Variants in WWOX observed in about 807,000 individuals in gnomAD.
WWOX encodes WW domain-containing oxidoreductase.
Under a neutral mutation model 46.2 loss-of-function variants are expected in WWOX, and 69 were observed. That is an observed-to-expected ratio of 1.49 (90% CI 1.23 to 1.82). The LOEUF (loss-of-function observed/expected upper bound fraction) is 1.82. Ranked by LOEUF, WWOX falls within the 40% of genes most tolerant of loss-of-function variation. The pLI, the probability that WWOX is intolerant of heterozygous loss-of-function variation, is 0.00. For missense variants in WWOX, 919 were observed against 542.6 expected (o/e 1.69, Z -6.89); for synonymous variants, 359 against 202.6 (o/e 1.77, Z -6.56).
At chr16:78,133,654 C>T (rs2033687103) in intron 4 of WWOX, among the ~76,000 whole-genome samples, 1 of 152,174 alleles carries the variant, frequency 6.6e-6, no homozygotes, top group African/African-American at 2.4e-5. Flanking sequence ...CCTCGGCCTC[C>T]CAAAGTAGTG....
At chr16:78,523,514 A>G (rs2043393496) in intron 8 of WWOX, among the ~76,000 whole-genome samples, 2 of 152,194 alleles carry the variant, frequency 1.3e-5, no homozygotes, top group Admixed American at 1.3e-4. Flanking sequence ...TTCCTTGTGA[A>G]TTTTAAATGC....
At chr16:79,006,876 A>G (rs2047201232) in intron 8 of WWOX, among the ~76,000 whole-genome samples, 1 of 152,120 alleles carries the variant, frequency 6.6e-6, no homozygotes, top group Non-Finnish European at 1.5e-5. Context: ...CTTCCGCTTT[A>G]AGGACCTTTG....
chr16:78,702,042 T>TATATATATATAA (rs1229780052), intron 8 of WWOX, among the ~76,000 whole-genome samples: 17 of 120,922 alleles, frequency 1.4e-4, no homozygotes, highest in African/African-American at 6.4e-4. Context: ...TATATATATA[T>TATATATATATAA]ATAAAATAAT....
chr16:78,948,603 T>G (rs2045995162), intron 8 of WWOX, among the ~76,000 whole-genome samples: 1 of 152,024 alleles, frequency 6.6e-6, no homozygotes, highest in Admixed American at 6.6e-5. Flanking sequence ...TGCCTTGTGG[T>G]CCTGCTTGTC....
chr16:78,305,723 G>T (rs1254552753), intron 5 of WWOX, among the ~76,000 whole-genome samples: 1 of 152,032 alleles, frequency 6.6e-6, no homozygotes, highest in Non-Finnish European at 1.5e-5. Context: ...GTACCACGCA[G>T]CCCACATTAA....
intron 5 of WWOX, among the ~76,000 whole-genome samples, chr16:78,263,419 G>A (rs940831353): frequency 6.6e-6 from 1 of 152,196 alleles, no homozygotes; most frequent in Non-Finnish European, 1.5e-5. Context: ...CTCCCCTGAA[G>A]TGCACAGAGA....
At chr16:78,315,797 A>T (rs1423941308) in intron 5 of WWOX, among the ~76,000 whole-genome samples, 2 of 152,086 alleles carry the variant, frequency 1.3e-5, no homozygotes, top group Non-Finnish European at 2.9e-5. Flanking sequence ...TGGGTAACTC[A>T]GGTAGAAATA....
intron 8 of WWOX, among the ~76,000 whole-genome samples, chr16:78,436,155 C>T (rs957024496): frequency 6.6e-6 from 1 of 152,140 alleles, no homozygotes; most frequent in Non-Finnish European, 1.5e-5. Flanking sequence ...TTACTCTTGT[C>T]GTTGTGAGCA....
chr16:78,800,671 C>T (rs909322089), intron 8 of WWOX, among the ~76,000 whole-genome samples: 2 of 152,196 alleles, frequency 1.3e-5, no homozygotes, highest in African/African-American at 4.8e-5. Flanking sequence ...AAAGATTCAA[C>T]TGAAAACATT....
Position 78,751,461 on chromosome 16 carries a change from TTATATA to T in WWOX, c.1056+318731_1056+318736del, listed in dbSNP as rs71140824. 3.7e-4 allele frequency among the ~76,000 whole-genome samples: 47 copies of T among 128,424 alleles called. 1 individual carries two copies. The highest frequency in any genetic ancestry group is 1.0e-3 in the African/African-American group (34 of 33,442). 84.3% of individuals were successfully genotyped at this position (128,424 alleles called of 152,430 possible). On this transcript the variant is annotated intron_variant, in intron 8 of 8. Transcript: ENST00000566780. ...AGATTATATATATATTTATCAGATT[TTATATA>T]TATATATATATATATATATATGCAT...
At chr16:79,035,381 T>A (rs2047845866) in intron 8 of WWOX, among the ~76,000 whole-genome samples, 2 of 152,048 alleles carry the variant, frequency 1.3e-5, no homozygotes, top group African/African-American at 4.8e-5. Context: ...GCCAACCCCA[T>A]TAGACAGTGG....
chr16:78,386,856 G>T lies in WWOX; in HGVS notation c.517-4G>T, dbSNP rs1408898961. The T allele has an allele frequency of 6.2e-7, 1 of 1,613,122 alleles. No individual in the cohort carries two copies. The highest frequency in any genetic ancestry group is 8.5e-7 in the Non-Finnish European group (1 of 1,179,222). On this transcript the variant is annotated splice_polypyrimidine_tract_variant and splice_region_variant and intron_variant, in intron 5 of 8. Coordinates refer to ENST00000566780, the MANE Select transcript of WWOX (RefSeq NM_016373.4). ...TCATTTCTTTTTATTTTCTCTCATT[G>T]CAGCATAAAGCCAAGGTAGAAGCAA...
intron 8 of WWOX, among the ~76,000 whole-genome samples, chr16:78,709,227 G>C (rs1423666771): frequency 6.6e-6 from 1 of 152,150 alleles, no homozygotes; most frequent in African/African-American, 2.4e-5. Flanking sequence ...CAGCCCTCCT[G>C]TTAACACAAT....
intron 8 of WWOX, among the ~76,000 whole-genome samples, chr16:78,780,732 G>A (rs4888847): frequency 0.31 from 47,550 of 152,032 alleles, 7,855 homozygotes; most frequent in South Asian, 0.38. Context: ...GAGGCAGAAA[G>A]GAGCTCAGCC....
intron 8 of WWOX, among the ~76,000 whole-genome samples, chr16:79,039,143 G>T (rs2047923801): frequency 6.6e-6 from 1 of 152,138 alleles, no homozygotes; most frequent in Non-Finnish European, 1.5e-5. Context: ...TTTTATTGTA[G>T]CTGGGGAATT....
chr16:78,332,678 G>C (rs1214384767), intron 5 of WWOX, among the ~76,000 whole-genome samples: 1 of 152,122 alleles, frequency 6.6e-6, no homozygotes, highest in Non-Finnish European at 1.5e-5. Flanking sequence ...GATAATCTGA[G>C]AGTTGCCCAA....
intron 4 of WWOX, among the ~76,000 whole-genome samples, chr16:78,144,218 C>G (rs2034086638): frequency 6.6e-6 from 1 of 151,310 alleles, no homozygotes; most frequent in Non-Finnish European, 1.5e-5. Flanking sequence ...GGCTGGGGCA[C>G]TAATGATTAA....
chr16:79,027,908 G>C (rs1235919337), intron 8 of WWOX, among the ~76,000 whole-genome samples: 3 of 151,712 alleles, frequency 2.0e-5, no homozygotes, highest in African/African-American at 4.9e-5. Context: ...TGTTTGAGTA[G>C]AATTAGGGAG....
chr16:79,048,115 G>C (rs2048099713), intron 8 of WWOX, among the ~76,000 whole-genome samples: 1 of 152,172 alleles, frequency 6.6e-6, no homozygotes, highest in South Asian at 2.1e-4. Flanking sequence ...TCAGATCACA[G>C]ACACGGAAAA....
Sources: gnomAD v4.1 joint callset for allele counts (sites outside exome capture counted in the v4.1 genomes callset) on GRCh38, gnomAD v4.1.1 for gene constraint, MANE v1.5 for transcripts, NCBI Gene and HGNC (gene_info 2026-07-23, HGNC 2026-07-21) for gene names.